ARID5B: variants seen among roughly 807,000 people sequenced by gnomAD.
ARID5B encodes the protein AT-rich interactive domain-containing protein 5B.
In ARID5B, 13 loss-of-function variants were observed where a neutral mutation model predicts 97.2. The ratio of observed to expected loss-of-function variants is 0.13; its 90% CI spans 0.09 to 0.21. The LOEUF (loss-of-function observed/expected upper bound fraction) is 0.21, where lower values mean the gene tolerates loss of function less well. ARID5B is among the 10% of genes least tolerant of loss of function. ARID5B has a pLI of 1.00. For synonymous variants in ARID5B, 556 were observed against 570.3 expected (o/e 0.97, Z 0.36); for missense variants, 1,210 against 1,465.3 (o/e 0.83, Z 2.84).
intron 8 of ARID5B, among the ~76,000 whole-genome samples, chr10:62,075,161 G>C (rs779589522): frequency 6.6e-6 from 1 of 152,210 alleles, no homozygotes; most frequent in African/African-American, 2.4e-5. Context: ...TGTGAAACTG[G>C]CACGCACAGC....
At chr10:61,992,094 A>G (rs1390688814) in intron 3 of ARID5B, among the ~76,000 whole-genome samples, 4 of 152,178 alleles carry the variant, frequency 2.6e-5, no homozygotes, top group Admixed American at 2.6e-4. Flanking sequence ...CGGGGAAGCA[A>G]GTTAAGGTAA....
At chr10:62,005,969 C>A (rs1839140754) in intron 4 of ARID5B, among the ~76,000 whole-genome samples, 1 of 152,154 alleles carries the variant, frequency 6.6e-6, no homozygotes, top group African/African-American at 2.4e-5. Context: ...GCCTGTGGTG[C>A]CCACTGATCT....
intron 8 of ARID5B, among the ~76,000 whole-genome samples, chr10:62,074,383 A>G (rs1217556483): frequency 6.6e-6 from 1 of 152,200 alleles, no homozygotes; most frequent in Non-Finnish European, 1.5e-5. Context: ...GTCACCCTGC[A>G]TGGCTGAGGC....
At chr10:61,913,190 AC>A (rs2132760930) in intron 2 of ARID5B, among the ~76,000 whole-genome samples, 1 of 152,200 alleles carries the variant, frequency 6.6e-6, no homozygotes, top group South Asian at 2.1e-4. Flanking sequence ...GTTCTCAGAG[AC>A]CTTTTCCTGG....
At chr10:61,943,303 C>T (rs965316937) in intron 3 of ARID5B, among the ~76,000 whole-genome samples, 2 of 152,104 alleles carry the variant, frequency 1.3e-5, no homozygotes, top group Non-Finnish European at 2.9e-5. Flanking sequence ...TTTCTTTCTC[C>T]GCAGTGGTTT....
Position 62,074,672 on chromosome 10 carries a change from T to C in ARID5B, c.1199+4875T>C, listed in dbSNP as rs146744440. ...TCAAGGACATGATTCCATGTATTCT[T>C]GCTCATTTGGACACCCTTGGAGTTA... On this transcript the variant is annotated intron_variant, in intron 8 of 9. Transcript: ENST00000279873. 1.1e-4 allele frequency among the ~76,000 whole-genome samples: 16 copies of C among 152,346 alleles called. No individual in the cohort carries two copies. In the East Asian group the frequency reaches 3.1e-3, roughly 29 times the overall value.
intron 3 of ARID5B, among the ~76,000 whole-genome samples, chr10:61,970,426 A>C (rs1193319316): frequency 6.6e-6 from 1 of 152,230 alleles, no homozygotes; most frequent in East Asian, 1.9e-4. Flanking sequence ...TCTAAAATAC[A>C]CTGTAACATA....
At chr10:62,075,888 C>T (rs1365892126) in intron 8 of ARID5B, among the ~76,000 whole-genome samples, 1 of 151,370 alleles carries the variant, frequency 6.6e-6, no homozygotes, top group Non-Finnish European at 1.5e-5. Context: ...ATAGATTTGC[C>T]ATTTGATTAA....
At position 61,940,370 on chromosome 10, in the gene ARID5B, T is replaced by G; in HGVS notation, c.464T>G (p.Leu155Arg). 6.2e-7 allele frequency: 1 copy of G among 1,614,052 alleles called. No homozygotes were observed. Among genetic ancestry groups the G allele is most frequent in the South Asian group, 1.1e-5 (1 of 91,060 alleles). Reference sequence around the variant, plus strand: ...AGGCAGTCAACCCTAAACAGTGGACTCAACTTCAAAGACGTTCTCAAGGAG... The same window carrying G: ...AGGCAGTCAACCCTAAACAGTGGACGCAACTTCAAAGACGTTCTCAAGGAG... ...KYRQSTLNSG[L>R]NFKDVLKEKA... The change falls in exon 3 of 10, where the codon CTC becomes CGC. Residue 155 changes from leucine (L) to arginine (R), a missense_variant. By Grantham distance (102) the Leu-to-Arg change is moderately radical. Transcript: ENST00000279873.
intron 5 of ARID5B, among the ~76,000 whole-genome samples, chr10:62,056,880 G>C (rs922905441): frequency 6.6e-6 from 1 of 152,182 alleles, no homozygotes; most frequent in Non-Finnish European, 1.5e-5. Flanking sequence ...AACAGAGACT[G>C]TATGACCCAG....
intron 2 of ARID5B, among the ~76,000 whole-genome samples, chr10:61,925,264 G>C (rs2132775370): frequency 6.6e-6 from 1 of 152,232 alleles, no homozygotes; most frequent in South Asian, 2.1e-4. Context: ...AGTCATTCCG[G>C]ATTGGGTGGT....
In ARID5B at chr10:61,929,815, G is replaced by A. The variant is rs10994969; in HGVS notation, c.277-10368G>A. On this transcript the variant is annotated intron_variant, in intron 2 of 9. Transcript: ENST00000279873. The stretch of plus-strand genomic sequence containing the variant: ...CTGTAAAAGGAAGCAGAAAAAGGAC[G>A]CCTTTATTCTCCACCCAGCAATTTA... Among the ~76,000 whole-genome samples, 245 of 152,308 alleles carry A rather than the reference G, an allele frequency of 1.6e-3. 1 individual carries two copies. Among genetic ancestry groups the A allele is most frequent in the African/African-American group, 5.3e-3 (219 of 41,566 alleles).
chr10:61,986,296 A>G (rs980311681), intron 3 of ARID5B, among the ~76,000 whole-genome samples: 4 of 152,184 alleles, frequency 2.6e-5, no homozygotes, highest in African/African-American at 7.2e-5. Flanking sequence ...GAGAGATTCT[A>G]GGAGGATTGA....
At chr10:61,972,472 A>C (rs1002947754) in intron 3 of ARID5B, among the ~76,000 whole-genome samples, 4 of 151,784 alleles carry the variant, frequency 2.6e-5, no homozygotes, top group Non-Finnish European at 5.9e-5. Context: ...CAGGTGATCC[A>C]CCTGCCTCGG....
At chr10:62,053,037 G>A (rs1300005113) in intron 5 of ARID5B, among the ~76,000 whole-genome samples, 1 of 152,204 alleles carries the variant, frequency 6.6e-6, no homozygotes, top group East Asian at 1.9e-4. Context: ...ACAGGCAGAT[G>A]TAAAATCCCT....
At chr10:62,083,313 G>GAAAAAAAAAAAAA (rs35831175) in intron 8 of ARID5B, among the ~76,000 whole-genome samples, 1 of 128,828 alleles carries the variant, frequency 7.8e-6, no homozygotes, top group Non-Finnish European at 1.6e-5. Context: ...AAGAAAAAAT[G>GAAAAAAAAAAAAA]AAAAAAAAAA....
intron 3 of ARID5B, among the ~76,000 whole-genome samples, chr10:61,992,443 A>G (rs1838939333): frequency 1.3e-5 from 2 of 152,196 alleles, no homozygotes; most frequent in Admixed American, 6.5e-5. Context: ...TAGTGAGGGC[A>G]AAAGCTGATA....
chr10:62,041,965 T>TA (rs1158022474), intron 4 of ARID5B, among the ~76,000 whole-genome samples: 2 of 152,360 alleles, frequency 1.3e-5, no homozygotes, highest in African/African-American at 4.8e-5. Flanking sequence ...AGCAGATTTA[T>TA]TGATTGTAAC....
At chr10:62,072,775 A>G (rs571641351) in intron 8 of ARID5B, among the ~76,000 whole-genome samples, 38 of 152,350 alleles carry the variant, frequency 2.5e-4, no homozygotes, top group Middle Eastern at 6.8e-3. Context: ...TGTTCAATCA[A>G]TCATTCTCCA....
Sources: allele counts gnomAD v4.1 joint callset (sites outside exome capture counted in the v4.1 genomes callset), GRCh38; gene constraint gnomAD v4.1.1; transcripts MANE v1.5; gene names NCBI Gene and HGNC (gene_info 2026-07-23, HGNC 2026-07-21).